Variants in TAPT1 observed in about 807,000 individuals in gnomAD.
TAPT1 encodes the protein transmembrane anterior posterior transformation protein 1 homolog.
In TAPT1, 28 loss-of-function variants were observed where a neutral mutation model predicts 65.6. The ratio of observed to expected loss-of-function variants is 0.43; its 90% CI spans 0.32 to 0.59. TAPT1 has a LOEUF of 0.59. Among genes scored for constraint, TAPT1 ranks in the 20% least tolerant of loss-of-function variants. The pLI is 0.09. For synonymous variants in TAPT1, 278 were observed against 245.2 expected (o/e 1.13, Z -1.25); for missense variants, 563 against 679.9 (o/e 0.83, Z 1.91).
chr4:16,193,732 G>T (rs1011765781), intron 3 of TAPT1, among the ~76,000 whole-genome samples: 1 of 152,134 alleles, frequency 6.6e-6, no homozygotes, highest in African/African-American at 2.4e-5. Context: ...TGGGCAGCAG[G>T]GAACAAACGT....
chr4:16,226,339 G>A lies in TAPT1; in HGVS notation c.119C>T (p.Pro40Leu). 2.7e-6 allele frequency: 3 copies of A among 1,118,874 alleles called. No individual in the cohort carries two copies. Among genetic ancestry groups the A allele is most frequent in the Non-Finnish European group, 3.3e-6 (3 of 916,334 alleles). 69.3% of individuals were successfully genotyped at this position (1,118,874 alleles called of 1,614,324 possible). The change falls in exon 1 of 14, where the codon CCC becomes CTC. Residue 40 changes from proline to leucine, a missense_variant. Physicochemically the swap from Pro to Leu is moderately conservative, Grantham distance 98. Around this residue, in one of 5 missense-constraint regions of TAPT1, gnomAD observed 103 missense variants for 89.4 expected, o/e 1.15. Transcript: ENST00000405303. ...CTCTGTGAGCTGAGGCGCCGGCGGG[G>A]GCCCCTGTCCGCCGCTGCCGCCCGG... ...EQPGGSGGQG[P>L]PPAPQLTETL...
chr4:16,226,909 G>C (rs989946751), upstream of TAPT1: 1 of 326,418 alleles, frequency 3.1e-6, no homozygotes, highest in Non-Finnish European at 5.9e-6. Flanking sequence ...GAGGTGTCCG[G>C]CGGTCCGCTC....
chr4:16,188,274 T>G lies in TAPT1; in HGVS notation c.694A>C (p.Lys232Gln), dbSNP rs774712114. The stretch of plus-strand genomic sequence containing the variant: ...GGAATCACCCCAATGTGGGCTCTTT[T>G]TCTTTCTTTAGGCTCTGTTGCTGTC... ...YWTATEPKER[K>Q]RAHIGVIPHF... The change falls in exon 5 of 14, where the codon AAA becomes CAA. Residue 232 changes from lysine (K) to glutamine (Q), a missense_variant. Transcript: ENST00000405303. The G allele has an allele frequency of 3.3e-5, 54 of 1,612,852 alleles. No individual in the cohort carries two copies. Among genetic ancestry groups the G allele is most frequent in the Non-Finnish European group, 4.2e-5 (50 of 1,179,378 alleles).
chr4:16,190,132 G>T (rs944061841), intron 4 of TAPT1: 1 of 152,108 alleles, frequency 6.6e-6, no homozygotes, highest in Admixed American at 6.6e-5. Flanking sequence ...GAATTTAGGA[G>T]GTACCAGGAA....
In TAPT1 at chr4:16,161,555, T is replaced by C. The variant is rs536593274; in HGVS notation, c.*1753A>G. 6.5e-5 allele frequency: 10 copies of C among 152,728 alleles called. No homozygotes were observed. In the East Asian group the frequency reaches 1.5e-3, roughly 24 times the overall value. 9.5% of individuals were successfully genotyped at this position (152,728 alleles called of 1,614,324 possible). A position where few individuals can be genotyped will look rare whatever the true frequency, so the allele number is the denominator to read the frequency against. ...TTTCCCCAAACTATTCCATTCACGGTGGCATTGTTCCTTTTGTTGGTAAAG... is the reference window on the plus strand; with the variant it reads ...TTTCCCCAAACTATTCCATTCACGGCGGCATTGTTCCTTTTGTTGGTAAAG... On this transcript the variant is annotated 3_prime_UTR_variant, in exon 14 of 14. Transcript: ENST00000405303.
intron 2 of TAPT1, 24 bp from the exon 3 acceptor site, chr4:16,202,604 A>G (rs781206988): frequency 1.3e-4 from 94 of 749,504 alleles, no homozygotes; most frequent in East Asian, 4.3e-5. Flanking sequence ...AGGAGAGAAG[A>G]AAAAAAAAAA....
At chr4:16,174,040 T>A (rs1286478998) in intron 11 of TAPT1, among the ~76,000 whole-genome samples, 164 bp downstream of exon 11, 1 of 152,236 alleles carries the variant, frequency 6.6e-6, no homozygotes, top group Admixed American at 6.5e-5. Context: ...GATATTTGGA[T>A]ATATAAGCTA....
intron 2 of TAPT1, among the ~76,000 whole-genome samples, chr4:16,204,130 C>T (rs1323383645): frequency 6.6e-6 from 1 of 152,190 alleles, no homozygotes; most frequent in African/African-American, 2.4e-5. Context: ...GAAGCCTTTC[C>T]GTCCTTGCGA....
At chr4:16,174,182 A>G in intron 11 of TAPT1, 22 bp downstream of exon 11, 1 of 1,555,680 alleles carries the variant, frequency 6.4e-7, no homozygotes, top group East Asian at 2.3e-5. Flanking sequence ...GTTACAAAAA[A>G]CATTAAAAAG....
At chr4:16,205,873 G>C (rs1026716830) in intron 2 of TAPT1, among the ~76,000 whole-genome samples, 2 of 152,146 alleles carry the variant, frequency 1.3e-5, no homozygotes, top group African/African-American at 4.8e-5. Context: ...AGGTATCCTT[G>C]TCTTTTGACT....
chr4:16,171,730 A>G (rs997650899), intron 11 of TAPT1, among the ~76,000 whole-genome samples: 5 of 152,206 alleles, frequency 3.3e-5, no homozygotes, highest in African/African-American at 4.8e-5. Context: ...TGTATAGGCA[A>G]TTGTGACTGA....
In TAPT1 at chr4:16,226,386, G is replaced by T; in HGVS notation, c.72C>A (p.Asp24Glu). ...CCGGCTGCTCCGCCTCGCCGCGGCC[G>T]TCCCGCTGCGGGCCGTCCACGCCGC... is the stretch of plus-strand genomic sequence containing the variant. ...GGGGVDGPQR[D>E]GRGEAEQPGG... Residue 24 changes from aspartate to glutamate, a missense_variant, in exon 1 of 14, where the codon GAC becomes GAA. By Grantham distance (45) the Asp-to-Glu change is conservative (BLOSUM62 2). Around this residue, in one of 5 missense-constraint regions of TAPT1, gnomAD observed 103 missense variants for 89.4 expected, o/e 1.15. Coordinates refer to ENST00000405303, the MANE Select transcript of TAPT1 (RefSeq NM_153365.3). 2 of 1,100,212 alleles carry T rather than the reference G, an allele frequency of 1.8e-6. No homozygotes were observed. The highest frequency in any genetic ancestry group is 2.2e-6 in the Non-Finnish European group (2 of 905,212). The allele number at this position is 1,100,212 out of a possible 1,614,324, so 68.2% of individuals were successfully genotyped here.
intron 8 of TAPT1, 87 bp from the exon 9 acceptor site, chr4:16,176,315 A>G: frequency 1.5e-6 from 1 of 646,468 alleles, no homozygotes; most frequent in Non-Finnish European, 2.6e-6. Flanking sequence ...TGAAATCTCT[A>G]GAACAAAACT....
At chr4:16,213,706 G>T in intron 2 of TAPT1, 62 bp downstream of exon 2, 9 of 1,389,908 alleles carry the variant, frequency 6.5e-6, no homozygotes, top group South Asian at 3.3e-5. Context: ...CCATTTTTTT[G>T]CATAATTAAT....
chr4:16,180,298 C>T (rs149211890), intron 7 of TAPT1, among the ~76,000 whole-genome samples: 30 of 152,264 alleles, frequency 2.0e-4, no homozygotes, highest in Non-Finnish European at 4.1e-4. Context: ...TTGCTAAAGG[C>T]CAGTGTACAC....
chr4:16,187,190 G>C (rs1183510541), intron 5 of TAPT1, among the ~76,000 whole-genome samples: 1 of 152,036 alleles, frequency 6.6e-6, no homozygotes, highest in Non-Finnish European at 1.5e-5. Flanking sequence ...CAGGAAATAG[G>C]CCCTCAAAAA....
At chr4:16,177,652 C>T (rs1481607096) in intron 8 of TAPT1, among the ~76,000 whole-genome samples, 2 of 152,154 alleles carry the variant, frequency 1.3e-5, no homozygotes, top group Non-Finnish European at 2.9e-5. Flanking sequence ...CCAGCTTCCT[C>T]AACCACAAGG....
At chr4:16,168,600 G>C (rs1747794708) in intron 12 of TAPT1, among the ~76,000 whole-genome samples, 1 of 152,228 alleles carries the variant, frequency 6.6e-6, no homozygotes, top group Non-Finnish European at 1.5e-5. Flanking sequence ...TCACCAGAGA[G>C]GCCTGCCCTG....
At chr4:16,177,799 C>T (rs1405315616) in intron 8 of TAPT1, among the ~76,000 whole-genome samples, 2 of 149,280 alleles carry the variant, frequency 1.3e-5, no homozygotes, top group African/African-American at 5.0e-5. Flanking sequence ...GAGCAACCTT[C>T]CATAAATGGC....
Sources: gnomAD v4.1 joint callset for allele counts (sites outside exome capture counted in the v4.1 genomes callset) on GRCh38, gnomAD v4.1.1 for gene constraint, gnomAD v4.1.1 regional missense constraint, MANE v1.5 for transcripts, NCBI Gene and HGNC (gene_info 2026-07-23, HGNC 2026-07-21) for gene names.